TUB: variants seen among roughly 807,000 people sequenced by gnomAD.
The protein encoded by TUB is TUB bipartite transcription factor, also known as tubby protein homolog.
A neutral mutation model predicts 59.7 loss-of-function variants in TUB; 33 were observed. The ratio of observed to expected loss-of-function variants is 0.55; its 90% CI spans 0.42 to 0.74. The LOEUF (loss-of-function observed/expected upper bound fraction) is 0.74. Among genes scored for constraint, TUB ranks in the 30% least tolerant of loss-of-function variants. The probability of loss-of-function intolerance (pLI) is 0.00; values close to 1 mark genes in which losing one functional copy is unlikely to be tolerated. For synonymous variants in TUB, 293 were observed against 256.4 expected (o/e 1.14, Z -1.36); for missense variants, 659 against 672.0 (o/e 0.98, Z 0.21).
chr11:8,033,732 C>T (rs1232925426), upstream of TUB, among the ~76,000 whole-genome samples: 1 of 152,222 alleles, frequency 6.6e-6, no homozygotes, highest in East Asian at 1.9e-4. Flanking sequence ...CAGAGTGCTG[C>T]TGTCGTCATT....
chr11:8,106,009 G>A lies in TUB; in HGVS notation c.*4390G>A, dbSNP rs889303165. 2.0e-5 allele frequency: 3 copies of A among 151,800 alleles called. No individual in the cohort carries two copies. Among genetic ancestry groups the A allele is most frequent in the South Asian group, 2.1e-4 (1 of 4,826 alleles). The allele number at this position is 151,800 out of a possible 1,614,324, so 9.4% of individuals were successfully genotyped here. A position where few individuals can be genotyped will look rare whatever the true frequency, so the allele number is the denominator to read the frequency against. ...GATTGTCTTTTCCTATTTTGGAGTG[G>A]TCAGACATTTTATTTTTGTTCAAGA... On this transcript the variant is annotated 3_prime_UTR_variant, in exon 12 of 12. Coordinates refer to ENST00000299506, the MANE Select transcript of TUB (RefSeq NM_177972.3).
chr11:8,105,243 G>A lies in TUB; in HGVS notation c.*3624G>A, dbSNP rs1453701521. On this transcript the variant is annotated 3_prime_UTR_variant, in exon 12 of 12. Coordinates refer to ENST00000299506, the MANE Select transcript of TUB (RefSeq NM_177972.3). ...TCCCTGTGTTAACTCAGGATGCCAAGTGGCCCTCAGATTACACTTCTCCAG... is the reference window on the plus strand; with the variant it reads ...TCCCTGTGTTAACTCAGGATGCCAAATGGCCCTCAGATTACACTTCTCCAG... 6.6e-6 allele frequency: 1 copy of A among 152,186 alleles called. No homozygotes were observed. The highest frequency in any genetic ancestry group is 2.4e-5 in the African/African-American group (1 of 41,440). The allele number at this position is 152,186 out of a possible 1,614,324, so 9.4% of individuals were successfully genotyped here.
At chr11:8,090,342 A>G in intron 3 of TUB, 111 bp downstream of exon 3, 1 of 1,419,760 alleles carries the variant, frequency 7.0e-7, no homozygotes. Context: ...CAGGCTGTGT[A>G]TGGCTTCCAG....
rs928407398 is a variant in TUB, at chr11:8,019,434, G to A, written c.56+76G>A. 1.8e-5 allele frequency: 22 copies of A among 1,219,420 alleles called. No individual in the cohort carries two copies. In the African/African-American group the frequency reaches 2.8e-4, roughly 16 times the overall value. The allele number at this position is 1,219,420 out of a possible 1,614,324, so 75.5% of individuals were successfully genotyped here. A position where few individuals can be genotyped will look rare whatever the true frequency, so the allele number is the denominator to read the frequency against. On this transcript the variant is annotated intron_variant, in intron 1 of 11. Transcript: ENST00000534099. ...TCCTGCGGGAGAAGCGGGCCTCCGG[G>A]GGCTAGGACTGGCGCGAGCGCCCGA...
chr11:8,087,239 C>A (rs914444347), intron 1 of TUB, among the ~76,000 whole-genome samples: 4 of 152,212 alleles, frequency 2.6e-5, no homozygotes, highest in Admixed American at 6.5e-5. Flanking sequence ...GTGAGTCTTA[C>A]CTCTCAGCTG....
chr11:8,081,404 C>T lies in TUB; in HGVS notation c.-107C>T, dbSNP rs1364789056. ...CTCGGCGGGGCCCAGCGCCCCGGCC[C>T]GGGAGGATGCGGCCCGGGGCGGCCC... On this transcript the variant is annotated 5_prime_UTR_variant, in exon 1 of 12. Transcript: ENST00000299506. 1 of 1,038,174 alleles carries T rather than the reference C, an allele frequency of 9.6e-7. No homozygotes were observed. Among genetic ancestry groups the T allele is most frequent in the Admixed American group, 5.7e-5 (1 of 17,452 alleles). The allele number at this position is 1,038,174 out of a possible 1,614,324, so 64.3% of individuals were successfully genotyped here. A position where few individuals can be genotyped will look rare whatever the true frequency, so the allele number is the denominator to read the frequency against.
At chr11:8,062,516 CGTGTGTGTGTGT>C (rs34497745) in intron 2 of TUB, among the ~76,000 whole-genome samples, 1 of 150,014 alleles carries the variant, frequency 6.7e-6, no homozygotes. Flanking sequence ...GGTTTGTGTG[CGTGTGTGTGTGT>C]GTGTGTGTGT....
intron 2 of TUB, among the ~76,000 whole-genome samples, chr11:8,051,826 C>A (rs889509240): frequency 7.2e-5 from 11 of 152,110 alleles, no homozygotes; most frequent in African/African-American, 2.7e-4. Flanking sequence ...TTGTAATAAA[C>A]CTTTAATCCT....
chr11:8,021,381 G>A (rs1257677977), intron 1 of TUB, among the ~76,000 whole-genome samples: 4 of 151,940 alleles, frequency 2.6e-5, no homozygotes, highest in African/African-American at 7.3e-5. Context: ...GAGGCTGGAG[G>A]ATTGCTTGAG....
chr11:8,081,589 C>T (rs1943565624), intron 1 of TUB, 41 bp downstream of exon 1: 6 of 1,493,216 alleles, frequency 4.0e-6, no homozygotes, highest in Non-Finnish European at 4.5e-6. Context: ...ACTCCCGACT[C>T]GGGACGTGAG....
intron 2 of TUB, among the ~76,000 whole-genome samples, chr11:8,043,697 A>G (rs1443635180): frequency 6.6e-6 from 1 of 152,144 alleles, no homozygotes; most frequent in African/African-American, 2.4e-5. Flanking sequence ...TGTAAATTGA[A>G]TTGCTTTCTT....
chr11:8,043,491 G>A (rs868410723), intron 2 of TUB, among the ~76,000 whole-genome samples: 2 of 152,170 alleles, frequency 1.3e-5, no homozygotes, highest in African/African-American at 2.4e-5. Flanking sequence ...AGATTGGACC[G>A]AATCTGTAGA....
intron 3 of TUB, among the ~76,000 whole-genome samples, chr11:8,091,662 G>C (rs1039346885): frequency 1.2e-4 from 19 of 152,074 alleles, no homozygotes; most frequent in African/African-American, 4.3e-4. Flanking sequence ...TCAGCACCCT[G>C]GCCATACCTG....
In TUB at chr11:8,049,578, T is replaced by TATATATATATAGATAG. The variant is rs1055522231; in HGVS notation, c.203+9889_203+9890insTATATATAGATAGATA. On this transcript the variant is annotated intron_variant, in intron 2 of 12. Coordinates refer to the TUB transcript ENST00000305253. Reference sequence around the variant, plus strand: ...ATTATGTGGTATATATATATATATATATAGATAGATAGATAGATAGATAGA... The same window carrying TATATATATATAGATAG: ...ATTATGTGGTATATATATATATATATATATATATATAGATAGATAGATAGATAGATAGATAGATAGA... Among the ~76,000 whole-genome samples the TATATATATATAGATAG allele has an allele frequency of 6.4e-3, 552 of 85,910 alleles. 5 individuals carry two copies. The highest frequency in any genetic ancestry group is 0.016 in the African/African-American group (447 of 28,552). The allele number at this position is 85,910 out of a possible 152,430, so 56.4% of individuals were successfully genotyped here. A position where few individuals can be genotyped will look rare whatever the true frequency, so the allele number is the denominator to read the frequency against.
intron 1 of TUB, 150 bp downstream of exon 1, chr11:8,081,698 A>G (rs1943567651): frequency 1.1e-5 from 9 of 855,500 alleles, no homozygotes; most frequent in Non-Finnish European, 1.3e-5. Flanking sequence ...TTCCTCCCTC[A>G]ACTTTGAGGG....
At chr11:8,042,073 T>G (rs1942760508) in intron 2 of TUB, among the ~76,000 whole-genome samples, 1 of 152,208 alleles carries the variant, frequency 6.6e-6, no homozygotes, top group African/African-American at 2.4e-5. Context: ...ACAATTTATT[T>G]TAGAACATTT....
intron 1 of TUB, among the ~76,000 whole-genome samples, chr11:8,081,905 A>G (rs1004436591): frequency 3.3e-5 from 5 of 152,184 alleles, no homozygotes. Context: ...ACGCTCATAC[A>G]TCTGCACGCA....
intron 2 of TUB, among the ~76,000 whole-genome samples, chr11:8,041,355 G>A (rs1942747529): frequency 6.6e-6 from 1 of 152,186 alleles, no homozygotes; most frequent in Admixed American, 6.5e-5. Flanking sequence ...TGTAAGTAGG[G>A]AGATGAGGAG....
At chr11:8,033,226 G>A (rs1281176618) in intron 1 of TUB, among the ~76,000 whole-genome samples, 2 of 152,144 alleles carry the variant, frequency 1.3e-5, no homozygotes, top group Non-Finnish European at 2.9e-5. Flanking sequence ...AACAAAAGCC[G>A]TTTCCTTGGT....
Sources: gnomAD v4.1 joint callset for allele counts (sites outside exome capture counted in the v4.1 genomes callset) on GRCh38, gnomAD v4.1.1 for gene constraint, MANE v1.5 for transcripts, NCBI Gene and HGNC (gene_info 2026-07-23, HGNC 2026-07-21) for gene names.